The following SCN9A variants were observed in gnomAD, a reference collection of about 807,000 sequenced individuals.
SCN9A encodes sodium channel protein type 9 subunit alpha.
A neutral mutation model predicts 187.0 loss-of-function variants in SCN9A; 131 were observed. The ratio of observed to expected loss-of-function variants is 0.70; its 90% CI spans 0.61 to 0.81. SCN9A has a LOEUF of 0.81. Ranked by LOEUF, SCN9A falls within the 30% of genes least tolerant of loss-of-function variation. SCN9A has a pLI of 0.00. For synonymous variants in SCN9A, 809 were observed against 808.6 expected (o/e 1.00, Z -0.01); for missense variants, 2,252 against 2,396.6 (o/e 0.94, Z 1.26).
At chr2:166,212,824 T>C (rs1254462237) in intron 24 of SCN9A, among the ~76,000 whole-genome samples, 1 of 151,940 alleles carries the variant, frequency 6.6e-6, no homozygotes, top group African/African-American at 2.4e-5. Flanking sequence ...AAGTCAGTAA[T>C]AGAAGGAAAA....
intron 20 of SCN9A, among the ~76,000 whole-genome samples, chr2:166,234,502 G>T (rs573228007): frequency 2.0e-5 from 3 of 152,234 alleles, no homozygotes; most frequent in Middle Eastern, 3.4e-3. Flanking sequence ...AAAGTTCATT[G>T]CTGTTACCAT....
rs1694156771 is a variant in SCN9A at position 166,212,826 on chromosome 2, G to A, written c.4399-8362C>T. ...GGAAGGAAACTGGAAGTCAGTAATA[G>A]AAGGAAAACTGAAAAATTCACAAAT... On this transcript the variant is annotated intron_variant, in intron 24 of 26. Transcript: ENST00000642356. 2.6e-5 allele frequency among the ~76,000 whole-genome samples: 4 copies of A among 152,018 alleles called. No homozygotes were observed. The South Asian group carries it at 8.3e-4, about 32-fold the overall frequency.
intron 13 of SCN9A, among the ~76,000 whole-genome samples, chr2:166,281,386 T>C (rs1052332822): frequency 1.3e-5 from 2 of 152,216 alleles, no homozygotes; most frequent in Admixed American, 1.3e-4. Context: ...AAATCACTTA[T>C]CTTTGAAAGG....
At position 166,199,620 on chromosome 2, in the gene SCN9A, A is replaced by G. The variant is rs752918053; in HGVS notation, c.5019T>C (p.Asp1673=). 1.6e-5 allele frequency: 26 copies of G among 1,614,038 alleles called. No homozygotes were observed. The highest frequency in any genetic ancestry group is 2.7e-5 in the African/African-American group (2 of 74,888). The stretch of plus-strand genomic sequence containing the variant: ...CAAAATTGAACATGTCATTAATTCC[A>G]TCTTCCTTTTTAACATAGGCAAAGT... ...MSNFAYVKKE[D]GINDMFNFET... is the part of the protein sequence containing the mutation. Residue 1673 remains aspartate (D), a synonymous_variant, in exon 27 of 27, where the codon GAT becomes GAC. Coordinates refer to ENST00000642356, the MANE Select transcript of SCN9A (RefSeq NM_001365536.1).
At chr2:166,238,336 GA>G (rs1695413186) in intron 19 of SCN9A, 69 bp from the exon 20 acceptor site, 1 of 1,030,274 alleles carries the variant, frequency 9.7e-7, no homozygotes, top group Non-Finnish European at 1.4e-6. Flanking sequence ...AAAAAAACAG[GA>G]AAAATACAAT....
chr2:166,241,845 G>C (rs867338511), intron 19 of SCN9A, among the ~76,000 whole-genome samples: 1 of 152,086 alleles, frequency 6.6e-6, no homozygotes, highest in African/African-American at 2.4e-5. Context: ...TGTGAAAGTT[G>C]ATCATACAAA....
chr2:166,300,488 C>G (rs1004795393), intron 7 of SCN9A, among the ~76,000 whole-genome samples: 1 of 150,914 alleles, frequency 6.6e-6, no homozygotes, highest in Non-Finnish European at 1.5e-5. Context: ...GACTCACTTC[C>G]TTTGCATGGC....
chr2:166,246,657 T>C (rs937004298), intron 18 of SCN9A, among the ~76,000 whole-genome samples: 1 of 152,094 alleles, frequency 6.6e-6, no homozygotes, highest in Admixed American at 6.6e-5. Context: ...AATTTATCTT[T>C]CTCAGGGGCA....
chr2:166,332,785 T>C (rs1187076961), intron 1 of SCN9A, among the ~76,000 whole-genome samples: 1 of 152,024 alleles, frequency 6.6e-6, no homozygotes, highest in Non-Finnish European at 1.5e-5. Context: ...ACTATTATTC[T>C]TAGTTTTTAA....
chr2:166,242,563 A>C lies in SCN9A; in HGVS notation c.3566T>G (p.Val1189Gly), dbSNP rs761337631. The C allele has an allele frequency of 2.4e-5, 38 of 1,585,980 alleles. No individual in the cohort carries two copies. The highest frequency in any genetic ancestry group is 5.4e-5 in the African/African-American group (4 of 74,300). Reference sequence around the variant, plus strand: ...GAAGCTTTCAAACCAACTGTGTTCAACAATCTTGTAGCAGGTTTTCCTGAT... The same window carrying C: ...GAAGCTTTCAAACCAACTGTGTTCACCAATCTTGTAGCAGGTTTTCCTGAT... ...WNIRKTCYKI[V>G]EHSWFESFIV... Residue 1189 changes from valine (V) to glycine (G), a missense_variant, in exon 19 of 27, where the codon GTT (valine) becomes GGT (glycine). This residue lies in a region of SCN9A where 313 missense variants were observed against 295.3 expected (regional missense o/e 1.06). Transcript: ENST00000642356.
chr2:166,251,714 C>A, intron 18 of SCN9A, 51 bp downstream of exon 18: 2 of 1,605,728 alleles, frequency 1.2e-6, no homozygotes, highest in Admixed American at 1.7e-5. Flanking sequence ...TAAGACAAAC[C>A]CCAGAACACT....
At chr2:166,295,787 A>G (rs1051967549) in intron 7 of SCN9A, among the ~76,000 whole-genome samples, 21 of 152,292 alleles carry the variant, frequency 1.4e-4, no homozygotes, top group African/African-American at 5.1e-4. Flanking sequence ...TGTTGAGGAG[A>G]TGACAATGTA....
At chr2:166,201,200 CACA>C (rs1693495113) in intron 26 of SCN9A, among the ~76,000 whole-genome samples, 2 of 140,962 alleles carry the variant, frequency 1.4e-5, no homozygotes, top group Admixed American at 1.0e-4. Context: ...TATATATACA[CACA>C]TACTATATAT....
chr2:166,238,391 C>A, intron 19 of SCN9A, 124 bp from the exon 20 acceptor site: 1 of 673,856 alleles, frequency 1.5e-6, no homozygotes, highest in Non-Finnish European at 2.5e-6. Context: ...CATGGGCCAG[C>A]TGACATTTTT....
Position 166,362,690 on chromosome 2 carries a change from G to T in SCN9A, c.-51+13007C>A, listed in dbSNP as rs1312535258. ...CTTTATCTCAGAATCCAAGACTCCT[G>T]ATCAAATTTATATTCCAGAAGGAAT... On this transcript the variant is annotated intron_variant, in intron 1 of 26. Transcript: ENST00000642356. 7.9e-5 allele frequency among the ~76,000 whole-genome samples: 12 copies of T among 151,768 alleles called. No homozygotes were observed. In the East Asian group the frequency reaches 2.3e-3, roughly 29 times the overall value.
intron 7 of SCN9A, among the ~76,000 whole-genome samples, chr2:166,296,675 T>G (rs1252595516): frequency 6.6e-6 from 1 of 152,182 alleles, no homozygotes. Context: ...TATACTACTG[T>G]ATTTAACACA....
At chr2:166,327,795 A>G (rs1383786032) in intron 1 of SCN9A, among the ~76,000 whole-genome samples, 1 of 152,154 alleles carries the variant, frequency 6.6e-6, no homozygotes, top group Non-Finnish European at 1.5e-5. Context: ...CTTCACTATG[A>G]ATTTGTCCAG....
rs538243798 is a variant in SCN9A, at chr2:166,205,523, A to G, written c.4399-1059T>C. On this transcript the variant is annotated intron_variant, in intron 24 of 26. Coordinates refer to ENST00000642356, the MANE Select transcript of SCN9A (RefSeq NM_001365536.1). ...TACAAAAATTAACTCAAGATGGATT[A>G]AAGACTTAAATGTAAGACCTAAAAC... is the stretch of plus-strand genomic sequence containing the variant. Among the ~76,000 whole-genome samples, 27 of 152,332 alleles carry G rather than the reference A, an allele frequency of 1.8e-4. 1 individual carries two copies. The highest frequency in any genetic ancestry group is 6.5e-4 in the African/African-American group (27 of 41,580).
chr2:166,352,359 T>A (rs556549617), intron 1 of SCN9A, among the ~76,000 whole-genome samples: 1 of 152,276 alleles, frequency 6.6e-6, no homozygotes, highest in South Asian at 2.1e-4. Context: ...TACAATGTGA[T>A]CTAAATAACA....
Sources: gnomAD v4.1 joint callset for allele counts (sites outside exome capture counted in the v4.1 genomes callset) on GRCh38, gnomAD v4.1.1 for gene constraint, gnomAD v4.1.1 regional missense constraint, MANE v1.5 for transcripts, NCBI Gene and HGNC (gene_info 2026-07-23, HGNC 2026-07-21) for gene names.